Variants in INTS9 observed in about 807,000 individuals in gnomAD.
The protein encoded by INTS9 is protein related to CPSF subunits of 74 kDa.
A neutral mutation model predicts 79.7 loss-of-function variants in INTS9; 55 were observed. The observed-to-expected ratio is 0.69, with a 90% confidence interval of 0.56 to 0.86. INTS9 has a LOEUF of 0.86. Ranked by LOEUF, INTS9 falls within the 40% of genes least tolerant of loss-of-function variation. The pLI, the probability that INTS9 is intolerant of heterozygous loss-of-function variation, is 0.00. For synonymous variants in INTS9, 319 were observed against 325.2 expected, an observed-to-expected ratio of 0.98 and a Z score of 0.20; for missense variants, 721 against 831.5, an observed-to-expected ratio of 0.87 and a Z score of 1.64.
chr8:28,795,989 A>C (rs1313024371), intron 9 of INTS9, among the ~76,000 whole-genome samples: 2 of 152,224 alleles, frequency 1.3e-5, no homozygotes, highest in African/African-American at 4.8e-5. Flanking sequence ...GAAAAAATAA[A>C]ACCAACCAAA....
intron 6 of INTS9, among the ~76,000 whole-genome samples, chr8:28,824,257 T>C (rs1008194444): frequency 3.3e-5 from 5 of 152,152 alleles, no homozygotes; most frequent in Admixed American, 6.5e-5. Context: ...ACACTACAAA[T>C]GCAAATCTCA....
intron 1 of INTS9, among the ~76,000 whole-genome samples, chr8:28,885,361 A>T (rs1333006323): frequency 1.3e-5 from 2 of 152,224 alleles, no homozygotes. Context: ...ATGGATTCTG[A>T]GGCACTCAGG....
intron 6 of INTS9, among the ~76,000 whole-genome samples, chr8:28,832,912 G>A (rs541577054): frequency 5.5e-4 from 84 of 151,724 alleles, no homozygotes; most frequent in African/African-American, 1.8e-3. Context: ...GCAGTGAGCC[G>A]AAATTGCACC....
At chr8:28,808,952 C>CTT (rs10712912) in intron 8 of INTS9, among the ~76,000 whole-genome samples, 8 of 144,690 alleles carry the variant, frequency 5.5e-5, no homozygotes, top group African/African-American at 1.3e-4. Flanking sequence ...GCCATTATAA[C>CTT]TTTTTTTTTT....
chr8:28,831,261 C>A (rs1157282422), intron 6 of INTS9, among the ~76,000 whole-genome samples: 1 of 152,144 alleles, frequency 6.6e-6, no homozygotes, highest in Non-Finnish European at 1.5e-5. Flanking sequence ...TGAACGAGAA[C>A]ACATGAACAC....
rs917342407 is a variant in INTS9 at position 28,812,550 on chromosome 8, C to A, written c.610-89G>T. ...TGCAGGGAAAAACAACAGAAATATCCTCAGTTTAAAAACAAAAATTATTTT... is the reference window on the plus strand; with the variant it reads ...TGCAGGGAAAAACAACAGAAATATCATCAGTTTAAAAACAAAAATTATTTT... On this transcript the variant is annotated intron_variant, in intron 7 of 16. Transcript: ENST00000521022. 3.5e-6 allele frequency: 5 copies of A among 1,429,652 alleles called. No individual in the cohort carries two copies. In the South Asian group the frequency reaches 6.7e-5, roughly 19 times the overall value. 88.6% of individuals were successfully genotyped at this position (1,429,652 alleles called of 1,614,324 possible). A position where few individuals can be genotyped will look rare whatever the true frequency, so the allele number is the denominator to read the frequency against.
intron 4 of INTS9, among the ~76,000 whole-genome samples, chr8:28,839,702 A>G (rs1035821661): frequency 6.6e-6 from 1 of 152,222 alleles, no homozygotes; most frequent in African/African-American, 2.4e-5. Flanking sequence ...GGGATTCACT[A>G]TTTAATAAAT....
chr8:28,792,701 G>A (rs1180391156), intron 10 of INTS9, among the ~76,000 whole-genome samples: 9 of 152,072 alleles, frequency 5.9e-5, no homozygotes, highest in Admixed American at 5.9e-4. Flanking sequence ...ATCACCTGAG[G>A]TCAGGAGTTC....
chr8:28,774,271 CT>C (rs1452197625), intron 14 of INTS9, among the ~76,000 whole-genome samples: 1 of 152,150 alleles, frequency 6.6e-6, no homozygotes, highest in East Asian at 1.9e-4. Flanking sequence ...TTGCTTTTGT[CT>C]TTATCCCTTA....
At chr8:28,861,191 C>G (rs535201810) in intron 1 of INTS9, among the ~76,000 whole-genome samples, 82 of 152,316 alleles carry the variant, frequency 5.4e-4, no homozygotes, top group African/African-American at 1.9e-3. Flanking sequence ...GGTAATTACA[C>G]TTTACATAAG....
rs1290170965 is a variant in INTS9, at chr8:28,817,635, T to C, written c.489-4023A>G. Among the ~76,000 whole-genome samples, 202 of 152,032 alleles carry C rather than the reference T, an allele frequency of 1.3e-3. 1 individual carries two copies. Among genetic ancestry groups the C allele is most frequent in the African/African-American group, 4.8e-3 (198 of 41,458 alleles). ...TTGGCTTAGGACTGACTTGGTGATG[T>C]GGGCTCTTTTTTGGTTCCATATGAA... On this transcript the variant is annotated intron_variant, in intron 6 of 16. Coordinates refer to ENST00000521022, the MANE Select transcript of INTS9 (RefSeq NM_018250.4).
At chr8:28,842,800 T>C (rs1807265576) in intron 4 of INTS9, among the ~76,000 whole-genome samples, 1 of 152,226 alleles carries the variant, frequency 6.6e-6, no homozygotes, top group African/African-American at 2.4e-5. Context: ...GCTTCATGGC[T>C]CTTTCTGTAA....
intron 11 of INTS9, among the ~76,000 whole-genome samples, chr8:28,787,295 CAT>C (rs1803660987): frequency 6.6e-6 from 1 of 152,168 alleles, no homozygotes; most frequent in Non-Finnish European, 1.5e-5. Flanking sequence ...TAAAAATGTA[CAT>C]ATATGACTGA....
chr8:28,811,581 C>T (rs1447203525), intron 8 of INTS9, among the ~76,000 whole-genome samples: 3 of 152,084 alleles, frequency 2.0e-5, no homozygotes, highest in Non-Finnish European at 4.4e-5. Flanking sequence ...CCACCACACC[C>T]GGGTAATTTT....
At chr8:28,770,512 C>T (rs1802468387) in intron 15 of INTS9, among the ~76,000 whole-genome samples, 1 of 152,234 alleles carries the variant, frequency 6.6e-6, no homozygotes, top group African/African-American at 2.4e-5. Context: ...GGACCCAGCA[C>T]AGGGTCTAAT....
intron 6 of INTS9, among the ~76,000 whole-genome samples, chr8:28,828,509 C>T (rs1285294888): frequency 2.6e-5 from 4 of 152,128 alleles, no homozygotes; most frequent in African/African-American, 9.7e-5. Context: ...AAGGAGGAAA[C>T]AGAGCCTAGA....
intron 11 of INTS9, 63 bp from the exon 12 acceptor site, chr8:28,781,057 G>A: frequency 7.4e-7 from 1 of 1,345,564 alleles, no homozygotes; most frequent in Non-Finnish European, 1.0e-6. Flanking sequence ...GGGAACCAAA[G>A]TACGGGAGGG....
rs935057814 is a variant in INTS9, at chr8:28,773,220, C to G, written c.1564-2140G>C. On this transcript the variant is annotated intron_variant, in intron 14 of 16. Coordinates refer to ENST00000521022, the MANE Select transcript of INTS9 (RefSeq NM_018250.4). ...GGCTCACGCCTGTAATCCCAGCACT[C>G]TGGGAGGCCAAGGCGGGTGGATCAC... 2.6e-5 allele frequency among the ~76,000 whole-genome samples: 4 copies of G among 152,064 alleles called. No individual in the cohort carries two copies. The South Asian group carries it at 8.3e-4, about 32-fold the overall frequency.
chr8:28,875,853 A>C (rs1187945043), intron 1 of INTS9, among the ~76,000 whole-genome samples: 1 of 152,242 alleles, frequency 6.6e-6, no homozygotes, highest in African/African-American at 2.4e-5. Flanking sequence ...AATGTTTTGT[A>C]CAAGATAGGC....
Sources: allele counts gnomAD v4.1 joint callset (sites outside exome capture counted in the v4.1 genomes callset), GRCh38; gene constraint gnomAD v4.1.1; transcripts MANE v1.5; gene names NCBI Gene and HGNC (gene_info 2026-07-23, HGNC 2026-07-21).